CSTPP1: variants seen among roughly 807,000 people sequenced by gnomAD.
CSTPP1 encodes UPF0705 protein C11orf49.
chr11:47,010,118 A>T, the CSTPP1 span, among the ~76,000 whole-genome samples: 1 of 151,510 alleles, frequency 6.6e-6, no homozygotes. Context: ...AGTGACATTA[A>T]TTTAGTTTTA....
chr11:46,936,851 G>A, the CSTPP1 span: 2 of 1,590,536 alleles, frequency 1.3e-6, no homozygotes, highest in South Asian at 2.3e-5. Flanking sequence ...CGAGTATCTG[G>A]GTAGGAACCC....
At chr11:47,006,410 C>T in the CSTPP1 span, among the ~76,000 whole-genome samples, 1 of 151,902 alleles carries the variant, frequency 6.6e-6, no homozygotes, top group Non-Finnish European at 1.5e-5. Context: ...TCTACTTGGT[C>T]TTTGGTTTTT....
the CSTPP1 span, chr11:47,162,166 A>C: frequency 1.0e-6 from 1 of 985,722 alleles, no homozygotes; most frequent in Non-Finnish European, 1.2e-6. Context: ...CACTTGCAAA[A>C]ACTGCTTCAA....
the CSTPP1 span, among the ~76,000 whole-genome samples, chr11:47,021,304 C>G: frequency 6.6e-6 from 1 of 152,136 alleles, no homozygotes. Context: ...TCCCATTTTT[C>G]CTGAAGCACC....
the CSTPP1 span, chr11:47,161,025 G>C: frequency 6.8e-7 from 1 of 1,479,284 alleles, no homozygotes; most frequent in Non-Finnish European, 9.4e-7. Flanking sequence ...GCCCTCGCAG[G>C]GTCAGCAGAA....
chr11:46,941,780 A>T, the CSTPP1 span, among the ~76,000 whole-genome samples: 4 of 152,200 alleles, frequency 2.6e-5, no homozygotes, highest in Admixed American at 6.5e-5. Flanking sequence ...AGTTACTTGT[A>T]TGTGTAAGCC....
chr11:46,989,879 T>C, the CSTPP1 span, among the ~76,000 whole-genome samples: 2 of 152,178 alleles, frequency 1.3e-5, no homozygotes, highest in East Asian at 3.9e-4. Flanking sequence ...CTCCCACTTA[T>C]AAGTGAGAAC....
the CSTPP1 span, among the ~76,000 whole-genome samples, chr11:47,153,162 G>A: frequency 6.6e-6 from 1 of 152,182 alleles, no homozygotes; most frequent in Non-Finnish European, 1.5e-5. Flanking sequence ...CATCTGGGTG[G>A]GGAGGGAGCT....
chr11:47,029,868 C>T, the CSTPP1 span, among the ~76,000 whole-genome samples: 1 of 146,590 alleles, frequency 6.8e-6, no homozygotes, highest in Non-Finnish European at 1.5e-5. Flanking sequence ...GAGGCCAAAA[C>T]AGGAGGATCG....
the CSTPP1 span, among the ~76,000 whole-genome samples, chr11:47,097,179 C>T: frequency 3.1e-5 from 4 of 127,162 alleles, no homozygotes; most frequent in Non-Finnish European, 6.8e-5. Context: ...CGGCCAGCCG[C>T]CCCGTCTGGG....
chr11:47,052,183 C>G, the CSTPP1 span: 3 of 459,770 alleles, frequency 6.5e-6, no homozygotes, highest in African/African-American at 6.1e-5. Flanking sequence ...CTCAGAGGAA[C>G]TGGCCTCCAA....
chr11:46,953,295 G>T, the CSTPP1 span, among the ~76,000 whole-genome samples: 6 of 152,148 alleles, frequency 3.9e-5, no homozygotes, highest in South Asian at 1.2e-3. Context: ...GAGGAGAGGG[G>T]GTGATAGCAA....
chr11:47,037,843 C>T, the CSTPP1 span, among the ~76,000 whole-genome samples: 1 of 128,056 alleles, frequency 7.8e-6, no homozygotes, highest in Non-Finnish European at 1.9e-5. Flanking sequence ...ACCCTTCCCC[C>T]CTTTCTATTC....
At chr11:47,103,339 G>A in the CSTPP1 span, among the ~76,000 whole-genome samples, 2 of 151,254 alleles carry the variant, frequency 1.3e-5, no homozygotes, top group African/African-American at 4.9e-5. Context: ...GGTGGGGGTT[G>A]CAGTGAGCTG....
chr11:47,046,129 G>C, the CSTPP1 span, among the ~76,000 whole-genome samples: 8 of 151,992 alleles, frequency 5.3e-5, no homozygotes, highest in Non-Finnish European at 8.8e-5. Flanking sequence ...TGTCCTGTAG[G>C]TATGGGGGTG....
the CSTPP1 span, among the ~76,000 whole-genome samples, chr11:47,145,900 A>ATTGTT: frequency 0.084 from 12,738 of 151,306 alleles, 1,763 homozygotes; most frequent in African/African-American, 0.29. Flanking sequence ...CTTTCCGTAA[A>ATTGTT]TTATTTTATT....
At chr11:47,094,435 A>G in the CSTPP1 span, among the ~76,000 whole-genome samples, 1 of 152,016 alleles carries the variant, frequency 6.6e-6, no homozygotes, top group African/African-American at 2.4e-5. Flanking sequence ...GAACCTAACA[A>G]TTTATTAAGA....
the CSTPP1 span, among the ~76,000 whole-genome samples, chr11:47,129,321 G>A: frequency 1.3e-5 from 2 of 152,102 alleles, no homozygotes; most frequent in Non-Finnish European, 2.9e-5. Context: ...AGAGCTTATG[G>A]TGCCAAGATC....
At chr11:47,070,278 G>A in the CSTPP1 span, among the ~76,000 whole-genome samples, 6 of 152,140 alleles carry the variant, frequency 3.9e-5, no homozygotes, top group African/African-American at 1.2e-4. Context: ...GAGAGAGAGA[G>A]AGAGAGAGAG....
Sources: allele counts gnomAD v4.1 joint callset (sites outside exome capture counted in the v4.1 genomes callset), GRCh38; gene constraint gnomAD v4.1.1; transcripts MANE v1.5; gene names NCBI Gene and HGNC (gene_info 2026-07-23, HGNC 2026-07-21).